COL25A1: variants seen among roughly 807,000 people sequenced by gnomAD.
COL25A1 encodes collagen type XXV alpha 1 chain.
A neutral mutation model predicts 128.4 loss-of-function variants in COL25A1; 103 were observed. That is an observed-to-expected ratio of 0.80 (90% confidence interval 0.68 to 0.94). The LOEUF is 0.94. COL25A1 is among the 40% of genes least tolerant of loss of function. The probability of loss-of-function intolerance (pLI) is 0.00; values close to 1 mark genes in which losing one functional copy is unlikely to be tolerated. For synonymous variants in COL25A1, 279 were observed against 277.2 expected (o/e 1.01, Z -0.06); for missense variants, 745 against 840.0 (o/e 0.89, Z 1.40).
intron 3 of COL25A1, among the ~76,000 whole-genome samples, chr4:109,158,902 C>T (rs1453529374): frequency 1.3e-5 from 2 of 152,142 alleles, no homozygotes; most frequent in Non-Finnish European, 2.9e-5. Context: ...ACACAAGAGT[C>T]TCTTATAACA....
chr4:109,275,201 T>A (rs894708386), intron 3 of COL25A1, among the ~76,000 whole-genome samples: 1 of 152,130 alleles, frequency 6.6e-6, no homozygotes, highest in Non-Finnish European at 1.5e-5. Flanking sequence ...AAGGCGTGCA[T>A]GTAGCATGGC....
intron 3 of COL25A1, among the ~76,000 whole-genome samples, chr4:109,060,736 T>C (rs1181566805): frequency 6.6e-6 from 1 of 151,812 alleles, no homozygotes; most frequent in East Asian, 1.9e-4. Context: ...AATGAGTTCA[T>C]GGCTTTCAGA....
At chr4:109,245,562 A>C (rs1780201323) in intron 3 of COL25A1, among the ~76,000 whole-genome samples, 1 of 152,176 alleles carries the variant, frequency 6.6e-6, no homozygotes, top group Non-Finnish European at 1.5e-5. Flanking sequence ...GGCTGAATCT[A>C]ATCATCCAAT....
At position 108,929,681 on chromosome 4, in the gene COL25A1, T is replaced by C. The variant is rs533188624; in HGVS notation, c.708+8127A>G. 1.6e-4 allele frequency among the ~76,000 whole-genome samples: 25 copies of C among 151,984 alleles called. No homozygotes were observed. The South Asian group carries it at 5.2e-3, about 32-fold the overall frequency. On this transcript the variant is annotated intron_variant, in intron 11 of 37. Transcript: ENST00000399132. ...TCCATAAAACATAAAAATTAAAACA[T>C]CTGGGTATGGTGGTGCATGCCTTAG...
intron 3 of COL25A1, among the ~76,000 whole-genome samples, chr4:109,067,311 T>C (rs934005340): frequency 2.0e-5 from 3 of 152,198 alleles, no homozygotes; most frequent in Non-Finnish European, 2.9e-5. Context: ...CAATAACTTA[T>C]ATTCTTCAAA....
At chr4:108,858,584 T>A (rs1434016902) in intron 24 of COL25A1, among the ~76,000 whole-genome samples, 1 of 152,100 alleles carries the variant, frequency 6.6e-6, no homozygotes, top group Non-Finnish European at 1.5e-5. Flanking sequence ...CCAGTATAAT[T>A]GTATTGGTGG....
intron 3 of COL25A1, among the ~76,000 whole-genome samples, chr4:109,118,436 A>T (rs532445428): frequency 6.6e-6 from 1 of 152,080 alleles, no homozygotes; most frequent in East Asian, 1.9e-4. Context: ...TACAACATAT[A>T]CATGTAACAC....
intron 3 of COL25A1, among the ~76,000 whole-genome samples, chr4:109,240,382 T>C (rs1282628108): frequency 6.6e-6 from 1 of 152,030 alleles, no homozygotes; most frequent in Non-Finnish European, 1.5e-5. Context: ...TAAAATCTAT[T>C]AAAATCTGAT....
At chr4:108,970,082 A>G (rs888913691) in intron 8 of COL25A1, among the ~76,000 whole-genome samples, 3 of 152,026 alleles carry the variant, frequency 2.0e-5, no homozygotes, top group African/African-American at 7.2e-5. Flanking sequence ...TTGTATTTTT[A>G]GTAGAGATGG....
intron 16 of COL25A1, among the ~76,000 whole-genome samples, chr4:108,893,113 T>C (rs1386573527): frequency 6.6e-6 from 1 of 152,190 alleles, no homozygotes; most frequent in Non-Finnish European, 1.5e-5. Flanking sequence ...CGCATTTTCA[T>C]ACTTCATACT....
intron 3 of COL25A1, among the ~76,000 whole-genome samples, chr4:109,294,648 G>A (rs557851252): frequency 7.7e-4 from 117 of 152,184 alleles, no homozygotes; most frequent in Non-Finnish European, 1.3e-3. Flanking sequence ...GGCTATAGCC[G>A]CAGCCCGGAT....
chr4:108,821,588 C>T (rs60514835), intron 35 of COL25A1, among the ~76,000 whole-genome samples: 1 of 152,152 alleles, frequency 6.6e-6, no homozygotes, highest in Non-Finnish European at 1.5e-5. Context: ...GGTAAATCAA[C>T]TCAGATTAAC....
At chr4:109,067,485 G>T (rs953834716) in intron 3 of COL25A1, among the ~76,000 whole-genome samples, 1 of 152,188 alleles carries the variant, frequency 6.6e-6, no homozygotes, top group Non-Finnish European at 1.5e-5. Flanking sequence ...TACAGTCACA[G>T]AGTGTTTTTA....
intron 5 of COL25A1, among the ~76,000 whole-genome samples, chr4:109,041,740 T>C (rs926292020): frequency 2.0e-5 from 3 of 151,940 alleles, no homozygotes; most frequent in African/African-American, 7.3e-5. Flanking sequence ...CCAATAATGG[T>C]CAAAAAAATC....
At chr4:108,814,408 G>A (rs1560689500) in intron 37 of COL25A1, among the ~76,000 whole-genome samples, 3 of 152,182 alleles carry the variant, frequency 2.0e-5, no homozygotes, top group Non-Finnish European at 4.4e-5. Context: ...TCTATCTTCA[G>A]TTCTTGGCTC....
chr4:109,069,389 T>C (rs1762730848), intron 3 of COL25A1, among the ~76,000 whole-genome samples: 1 of 152,040 alleles, frequency 6.6e-6, no homozygotes. Flanking sequence ...TTTATTTTTA[T>C]TTTTAGTAGA....
At chr4:109,049,357 A>G (rs370554788) in intron 4 of COL25A1, among the ~76,000 whole-genome samples, 1 of 152,240 alleles carries the variant, frequency 6.6e-6, no homozygotes, top group African/African-American at 2.4e-5. Flanking sequence ...AAAAACAGTA[A>G]GTGAACTCAT....
chr4:108,819,141 G>A (rs1025836104), intron 36 of COL25A1, 111 bp downstream of exon 36: 1 of 727,486 alleles, frequency 1.4e-6, no homozygotes, highest in Middle Eastern at 2.5e-4. Context: ...TGCATGTAGT[G>A]TGTTTATCAT....
intron 3 of COL25A1, among the ~76,000 whole-genome samples, chr4:109,231,349 T>C (rs1308971871): frequency 6.6e-6 from 1 of 152,188 alleles, no homozygotes; most frequent in Non-Finnish European, 1.5e-5. Context: ...TTTAGAATTC[T>C]ACCATGTAGA....
Sources: gnomAD v4.1 joint callset for allele counts (sites outside exome capture counted in the v4.1 genomes callset) on GRCh38, gnomAD v4.1.1 for gene constraint, MANE v1.5 for transcripts, NCBI Gene and HGNC (gene_info 2026-07-23, HGNC 2026-07-21) for gene names.